Variants in CCDC178 observed in about 807,000 individuals in gnomAD.
CCDC178 encodes the protein coiled-coil domain containing 178.
A neutral mutation model predicts 117.4 loss-of-function variants in CCDC178; 126 were observed. The observed-to-expected ratio is 1.07, with a 90% confidence interval of 0.93 to 1.24. The LOEUF (loss-of-function observed/expected upper bound fraction) is 1.24. Among genes scored for constraint, CCDC178 ranks in the 50% most tolerant of loss-of-function variants. The probability of loss-of-function intolerance (pLI) is 0.00; values close to 1 mark genes in which losing one functional copy is unlikely to be tolerated. For synonymous variants in CCDC178, 283 were observed against 313.4 expected, an observed-to-expected ratio of 0.90 and a Z score of 1.02; for missense variants, 1,030 against 986.9, an observed-to-expected ratio of 1.04 and a Z score of -0.59.
intron 21 of CCDC178, among the ~76,000 whole-genome samples, chr18:33,083,222 G>A (rs1469115781): frequency 1.3e-5 from 2 of 152,148 alleles, no homozygotes; most frequent in African/African-American, 4.8e-5. Flanking sequence ...CAAAATCATA[G>A]CTAGGAAGCA....
chr18:32,971,195 C>G (rs2054917704), intron 22 of CCDC178, among the ~76,000 whole-genome samples: 1 of 151,846 alleles, frequency 6.6e-6, no homozygotes, highest in African/African-American at 2.4e-5. Flanking sequence ...CACTACAGGC[C>G]CTGGTTTGTG....
intron 22 of CCDC178, among the ~76,000 whole-genome samples, chr18:32,962,053 T>C (rs2054715423): frequency 6.6e-6 from 1 of 151,828 alleles, no homozygotes; most frequent in Admixed American, 6.6e-5. Context: ...AATCTGATCA[T>C]TGGCTTTTTT....
Position 33,328,083 on chromosome 18 carries a change from A to ATTT in CCDC178, c.880-4453_880-4451dup, listed in dbSNP as rs771034112. ...CAAGGTCATAAAGATTTATCCCTAG[A>ATTT]TTTTTTTTTTTTTTTTTTTTTTTTT... On this transcript the variant is annotated intron_variant, in intron 10 of 22. Coordinates refer to ENST00000383096, the MANE Select transcript of CCDC178 (RefSeq NM_001105528.4). The ATTT allele has an allele frequency of 3.8e-4, 38 of 100,654 alleles. 2 individuals carry two copies. The highest frequency in any genetic ancestry group is 8.7e-4 in the East Asian group (1 of 1,154). The allele number at this position is 100,654 out of a possible 1,614,324, so 6.2% of individuals were successfully genotyped here. A position where few individuals can be genotyped will look rare whatever the true frequency, so the allele number is the denominator to read the frequency against.
chr18:32,954,292 T>G, intron 22 of CCDC178, among the ~76,000 whole-genome samples: 1 of 152,178 alleles, frequency 6.6e-6, no homozygotes, highest in East Asian at 1.9e-4. Context: ...CTCTAAGCAC[T>G]CCACAGGGTA....
At chr18:33,412,582 A>C (rs1394737910) in intron 2 of CCDC178, among the ~76,000 whole-genome samples, 1 of 152,142 alleles carries the variant, frequency 6.6e-6, no homozygotes, top group African/African-American at 2.4e-5. Context: ...AACAATTATC[A>C]ATTTGTGACC....
intron 3 of CCDC178, among the ~76,000 whole-genome samples, chr18:33,405,731 G>T (rs2063771342): frequency 6.6e-6 from 1 of 152,002 alleles, no homozygotes; most frequent in African/African-American, 2.4e-5. Flanking sequence ...AAAATGAAGG[G>T]AGAAATTTGG....
chr18:33,207,100 C>T (rs2059052918), intron 20 of CCDC178, among the ~76,000 whole-genome samples: 1 of 152,064 alleles, frequency 6.6e-6, no homozygotes, highest in South Asian at 2.1e-4. Context: ...AGTTAACTTG[C>T]CAGGGTAAAA....
chr18:33,189,087 T>C (rs1049155132), intron 20 of CCDC178, among the ~76,000 whole-genome samples: 1 of 152,102 alleles, frequency 6.6e-6, no homozygotes, highest in Non-Finnish European at 1.5e-5. Flanking sequence ...TTAATGCAAG[T>C]AAGGGAGACT....
chr18:33,379,966 G>A (rs937757102), intron 5 of CCDC178, among the ~76,000 whole-genome samples: 1 of 152,170 alleles, frequency 6.6e-6, no homozygotes, highest in Non-Finnish European at 1.5e-5. Context: ...GTGTGGAGCA[G>A]AGAGGGCCCC....
intron 21 of CCDC178, among the ~76,000 whole-genome samples, chr18:33,067,106 C>CA (rs1332827852): frequency 1.3e-5 from 2 of 152,116 alleles, no homozygotes; most frequent in Non-Finnish European, 2.9e-5. Context: ...TGTTACATCA[C>CA]AAAAAATGTC....
At chr18:33,087,461 T>C (rs1317515101) in intron 21 of CCDC178, among the ~76,000 whole-genome samples, 1 of 152,136 alleles carries the variant, frequency 6.6e-6, no homozygotes, top group Non-Finnish European at 1.5e-5. Context: ...ACAGTATAAA[T>C]TTAATGCAAA....
At chr18:33,421,468 C>T (rs1159155515) in intron 2 of CCDC178, among the ~76,000 whole-genome samples, 1 of 152,096 alleles carries the variant, frequency 6.6e-6, no homozygotes, top group South Asian at 2.1e-4. Context: ...TTTTGCAAGC[C>T]AGTTGTGGTT....
intron 15 of CCDC178, among the ~76,000 whole-genome samples, chr18:33,242,344 G>A (rs1464151788): frequency 6.6e-6 from 1 of 151,614 alleles, no homozygotes; most frequent in African/African-American, 2.4e-5. Context: ...ATTGGCCCAA[G>A]AAAAGATATT....
chr18:33,344,899 C>T (rs2062869552), intron 9 of CCDC178, among the ~76,000 whole-genome samples: 1 of 150,188 alleles, frequency 6.7e-6, no homozygotes, highest in Admixed American at 6.7e-5. Flanking sequence ...GTGGAGCATA[C>T]ACAGTACAAA....
At chr18:32,958,517 C>T (rs552971806) in intron 22 of CCDC178, among the ~76,000 whole-genome samples, 2 of 152,186 alleles carry the variant, frequency 1.3e-5, no homozygotes, top group South Asian at 4.2e-4. Context: ...ATAATTAGTT[C>T]AAGTAATGTC....
At chr18:33,013,376 A>C (rs1257838914) in intron 21 of CCDC178, among the ~76,000 whole-genome samples, 1 of 152,108 alleles carries the variant, frequency 6.6e-6, no homozygotes, top group African/African-American at 2.4e-5. Context: ...TACCTTTTCC[A>C]AGTTTATGAT....
intron 20 of CCDC178, among the ~76,000 whole-genome samples, chr18:33,129,391 G>C (rs1224047121): frequency 6.6e-6 from 1 of 151,862 alleles, no homozygotes; most frequent in Non-Finnish European, 1.5e-5. Context: ...GCAAATTCTG[G>C]CTAAAAAGAA....
At chr18:33,209,199 G>A (rs2059079718) in intron 20 of CCDC178, among the ~76,000 whole-genome samples, 2 of 151,956 alleles carry the variant, frequency 1.3e-5, no homozygotes, top group South Asian at 2.1e-4. Flanking sequence ...TAGTAAAAAT[G>A]CCATGACATT....
At chr18:33,201,860 G>C (rs985674642) in intron 20 of CCDC178, among the ~76,000 whole-genome samples, 5 of 152,160 alleles carry the variant, frequency 3.3e-5, no homozygotes, top group Non-Finnish European at 7.3e-5. Context: ...GAGAAACGTT[G>C]CAGAGCCCCC....
Sources: allele counts gnomAD v4.1 joint callset (sites outside exome capture counted in the v4.1 genomes callset), GRCh38; gene constraint gnomAD v4.1.1; transcripts MANE v1.5; gene names NCBI Gene and HGNC (gene_info 2026-07-23, HGNC 2026-07-21).